TNS1: variants seen among roughly 807,000 people sequenced by gnomAD.
TNS1 encodes the protein tensin 1, also known as tensin-1.
TNS1 carries 62 observed loss-of-function variants against 168.6 expected under a neutral mutation model. That is an observed-to-expected ratio of 0.37 (90% CI 0.30 to 0.45). TNS1 has a LOEUF of 0.45. Among genes scored for constraint, TNS1 ranks in the 20% least tolerant of loss-of-function variants. The pLI is 1.00. For missense variants in TNS1, 2,240 were observed against 2,339.4 expected, an observed-to-expected ratio of 0.96 and a Z score of 0.88; for synonymous variants, 934 against 933.2, an observed-to-expected ratio of 1.00 and a Z score of -0.02.
intron 22 of TNS1, among the ~76,000 whole-genome samples, chr2:217,824,830 G>A (rs1013098286): frequency 9.9e-5 from 15 of 151,946 alleles, no homozygotes; most frequent in Non-Finnish European, 2.9e-5. Context: ...CACGGCTCTC[G>A]GCACCACCTC....
At chr2:217,863,354 G>T (rs1263781979) in intron 18 of TNS1, among the ~76,000 whole-genome samples, 1 of 152,162 alleles carries the variant, frequency 6.6e-6, no homozygotes, top group African/African-American at 2.4e-5. Context: ...GATATTTGGG[G>T]TTATCACACC....
chr2:217,847,907 G>A lies in TNS1; in HGVS notation c.2610C>T (p.Ser870=). The change falls in exon 19 of 33, where the codon TCC becomes TCT. Residue 870 remains serine, a synonymous_variant. Coordinates refer to ENST00000682258, the MANE Select transcript of TNS1 (RefSeq NM_001387777.1). ...GGGAGGATCCAGAGAGGGGCTGGGA[G>A]GAGAGTGGAGAAGCCCCTGGCCAGG... is the stretch of plus-strand genomic sequence containing the variant. ...PGAWPGASPL[S]SQPLSGSSRQ... The A allele has an allele frequency of 5.9e-6, 9 of 1,536,276 alleles. No homozygotes were observed. The highest frequency in any genetic ancestry group is 7.9e-6 in the Non-Finnish European group (9 of 1,135,408).
At chr2:218,020,035 G>C (rs1310534435) in intron 1 of TNS1, among the ~76,000 whole-genome samples, 2 of 152,100 alleles carry the variant, frequency 1.3e-5, no homozygotes, top group African/African-American at 2.4e-5. Context: ...GCAGTGGGTC[G>C]ATTGAACACA....
intron 4 of TNS1, among the ~76,000 whole-genome samples, chr2:217,916,437 C>G (rs1018411004): frequency 4.6e-5 from 7 of 152,198 alleles, no homozygotes; most frequent in Admixed American, 1.3e-4. Flanking sequence ...CACAGAAGAC[C>G]TGACATCCGC....
intron 18 of TNS1, among the ~76,000 whole-genome samples, chr2:217,851,031 A>G (rs1479570672): frequency 6.6e-6 from 1 of 152,166 alleles, no homozygotes; most frequent in Non-Finnish European, 1.5e-5. Context: ...TGTGCCAACA[A>G]TGCTACCTGA....
chr2:218,006,851 C>T (rs189657733), upstream of TNS1, among the ~76,000 whole-genome samples: 6 of 152,236 alleles, frequency 3.9e-5, no homozygotes, highest in East Asian at 3.9e-4. Context: ...AAGGTCCAAG[C>T]GAATGTGTTT....
chr2:217,810,110 C>CATCT (rs1940558432), intron 29 of TNS1, 119 bp from the exon 30 acceptor site: 2 of 1,434,860 alleles, frequency 1.4e-6, no homozygotes, highest in Middle Eastern at 2.4e-4. Context: ...TGAGCCAAGG[C>CATCT]ATCTGCACAT....
intron 3 of TNS1, among the ~76,000 whole-genome samples, chr2:217,922,490 C>A (rs899921426): frequency 6.6e-6 from 1 of 152,054 alleles, no homozygotes; most frequent in Admixed American, 6.5e-5. Context: ...CGGGCTGATG[C>A]CTGCCACTGC....
At chr2:217,928,802 G>A (rs1956167621) in intron 3 of TNS1, among the ~76,000 whole-genome samples, 1 of 152,032 alleles carries the variant, frequency 6.6e-6, no homozygotes, top group South Asian at 2.1e-4. Flanking sequence ...CTTGTCTCAG[G>A]ATCCTCTTCC....
chr2:217,942,384 T>C (rs1364019509), intron 3 of TNS1, among the ~76,000 whole-genome samples: 1 of 152,158 alleles, frequency 6.6e-6, no homozygotes, highest in Non-Finnish European at 1.5e-5. Context: ...GGGTCTCCAG[T>C]GCTGATCCCA....
intron 3 of TNS1, among the ~76,000 whole-genome samples, chr2:217,947,603 TC>T (rs1957142731): frequency 6.6e-6 from 1 of 151,856 alleles, no homozygotes; most frequent in African/African-American, 2.4e-5. Context: ...ATTGTGTGTG[TC>T]GGGGCCAGGT....
intron 3 of TNS1, among the ~76,000 whole-genome samples, chr2:217,923,343 TAGCAATAAAAATCAC>T (rs1402040783): frequency 6.6e-6 from 1 of 152,212 alleles, no homozygotes; most frequent in Non-Finnish European, 1.5e-5. Flanking sequence ...CTCAATAACA[TAGCAATAAAAATCAC>T]AGCAGCAAAT....
intron 1 of TNS1, among the ~76,000 whole-genome samples, chr2:217,998,730 G>A (rs1574473501): frequency 6.6e-6 from 1 of 152,258 alleles, no homozygotes; most frequent in African/African-American, 2.4e-5. Context: ...GAACTTCTAG[G>A]CTCAGGAAAT....
chr2:218,021,262 G>A (rs1574483182), intron 1 of TNS1, among the ~76,000 whole-genome samples: 2 of 152,230 alleles, frequency 1.3e-5, no homozygotes, highest in Non-Finnish European at 2.9e-5. Flanking sequence ...GCTTGGGAAG[G>A]GCAGGCCACA....
At chr2:217,845,222 G>C (rs537341292) in intron 19 of TNS1, among the ~76,000 whole-genome samples, 2 of 152,334 alleles carry the variant, frequency 1.3e-5, no homozygotes, top group African/African-American at 4.8e-5. Flanking sequence ...GGAGAAACCA[G>C]ATCAAGTTCA....
intron 18 of TNS1, among the ~76,000 whole-genome samples, chr2:217,868,287 T>C (rs1157292318): frequency 6.6e-6 from 1 of 152,202 alleles, no homozygotes; most frequent in Non-Finnish European, 1.5e-5. Context: ...GAGGAGGCCA[T>C]AGCCTGCAGC....
chr2:217,828,376 G>T (rs1330198300), intron 22 of TNS1, among the ~76,000 whole-genome samples: 2 of 152,234 alleles, frequency 1.3e-5, no homozygotes, highest in Non-Finnish European at 2.9e-5. Context: ...CGCTTAGGGG[G>T]TGGAAAATCA....
intron 16 of TNS1, among the ~76,000 whole-genome samples, chr2:217,883,589 AT>A (rs1559295640): frequency 6.6e-6 from 1 of 152,136 alleles, no homozygotes; most frequent in African/African-American, 2.4e-5. Context: ...TGATATGTCA[AT>A]TTTCGATGGT....
chr2:217,917,325 C>T (rs370940154), intron 4 of TNS1, among the ~76,000 whole-genome samples: 4 of 152,286 alleles, frequency 2.6e-5, no homozygotes, highest in South Asian at 2.1e-4. Context: ...GAGCACCTAC[C>T]GTGTGCAAGG....
Sources: allele counts gnomAD v4.1 joint callset (sites outside exome capture counted in the v4.1 genomes callset), GRCh38; gene constraint gnomAD v4.1.1; transcripts MANE v1.5; gene names NCBI Gene and HGNC (gene_info 2026-07-23, HGNC 2026-07-21).